Variants in HCLS1 observed in about 807,000 individuals in gnomAD.
HCLS1 encodes hematopoietic lineage cell-specific protein.
In HCLS1, 44 loss-of-function variants were observed where a neutral mutation model predicts 68.6. That is an observed-to-expected ratio of 0.64 (90% CI 0.50 to 0.82). The LOEUF is 0.82. Among genes scored for constraint, HCLS1 ranks in the 40% least tolerant of loss-of-function variants. HCLS1 has a pLI of 0.00. For missense variants in HCLS1, 602 were observed against 612.1 expected (o/e 0.98, Z 0.17); for synonymous variants, 217 against 225.8 (o/e 0.96, Z 0.35).
intron 5 of HCLS1, chr3:121,644,415 C>T (rs553096996): frequency 8.5e-5 from 27 of 318,534 alleles, no homozygotes; most frequent in South Asian, 7.3e-4. Context: ...TGATTATCTG[C>T]TGCTATGGCA....
chr3:121,636,319 C>G, intron 8 of HCLS1, 115 bp downstream of exon 8: 1 of 836,582 alleles, frequency 1.2e-6, no homozygotes, highest in Non-Finnish European at 2.0e-6. Flanking sequence ...AGGACAGGCT[C>G]TGTGTGCCCA....
chr3:121,635,707 G>A (rs767951175), intron 9 of HCLS1, 28 bp downstream of exon 9: 1 of 1,554,378 alleles, frequency 6.4e-7, no homozygotes, highest in Non-Finnish European at 8.9e-7. Context: ...GAAGTGAGGT[G>A]CATGGAGAGT....
intron 5 of HCLS1, 185 bp downstream of exon 5, chr3:121,644,633 A>T: frequency 1.4e-6 from 1 of 697,240 alleles, no homozygotes; most frequent in Non-Finnish European, 2.6e-6. Flanking sequence ...TCAGCTCAGC[A>T]TGTGGCTTCC....
At chr3:121,654,915 G>T (rs1937827426) in intron 3 of HCLS1, among the ~76,000 whole-genome samples, 1 of 152,282 alleles carries the variant, frequency 6.6e-6, no homozygotes, top group Non-Finnish European at 1.5e-5. Context: ...CCAAATAGTG[G>T]AGACTTACTA....
chr3:121,633,250 C>A, intron 10 of HCLS1, 79 bp from the exon 11 acceptor site: 1 of 920,576 alleles, frequency 1.1e-6, no homozygotes, highest in South Asian at 1.6e-5. Flanking sequence ...GACTCTCGCT[C>A]TGTAGCCCAG....
chr3:121,634,086 A>C lies in HCLS1; in HGVS notation c.903+121T>G, dbSNP rs186412205. Reference sequence around the variant, plus strand: ...ACTGAAGTCTTCTAAAGACAGAGACAACAGACCTTGCCTAACCCAGGGGAG... The same window carrying C: ...ACTGAAGTCTTCTAAAGACAGAGACCACAGACCTTGCCTAACCCAGGGGAG... On this transcript the variant is annotated intron_variant, in intron 10 of 13. Coordinates refer to ENST00000314583, the MANE Select transcript of HCLS1 (RefSeq NM_005335.6). 9.3e-4 allele frequency: 1,407 copies of C among 1,515,928 alleles called. 17 individuals are homozygous for C. In the African/African-American group the frequency reaches 0.018, roughly 20 times the overall value. 93.9% of individuals were successfully genotyped at this position (1,515,928 alleles called of 1,614,324 possible).
chr3:121,632,162 C>T lies in HCLS1; in HGVS notation c.1263G>A (p.Gly421=), dbSNP rs1347220023. The change falls in exon 13 of 14, where the codon GGG becomes GGA. Residue 421 remains glycine, a synonymous_variant. Transcript: ENST00000314583. ...CCAGAGCCACAGCCCCAGCCCCAGC[C>T]CCAGCCGGGCAGCCTGATGATCCTG... ...ALAGSSGCPA[G]AGAGAVALGI... The T allele has an allele frequency of 6.2e-7, 1 of 1,614,102 alleles. No individual in the cohort carries two copies.
intron 1 of HCLS1, 51 bp from the exon 2 acceptor site, chr3:121,658,398 G>A: frequency 1.4e-6 from 2 of 1,395,696 alleles, no homozygotes; most frequent in Non-Finnish European, 2.0e-6. Context: ...GGATCAAGAG[G>A]AGGGAAAATA....
At chr3:121,656,512 C>T (rs1937874136) in intron 3 of HCLS1, among the ~76,000 whole-genome samples, 1 of 152,176 alleles carries the variant, frequency 6.6e-6, no homozygotes, top group East Asian at 1.9e-4. Context: ...TATGACATAT[C>T]CCACAGAAAC....
At chr3:121,658,840 CT>C (rs376657206) in intron 1 of HCLS1, among the ~76,000 whole-genome samples, 222 of 152,312 alleles carry the variant, frequency 1.5e-3, no homozygotes, top group African/African-American at 4.8e-3. Flanking sequence ...TTACAACCTG[CT>C]GAACTACACT....
intron 3 of HCLS1, chr3:121,655,931 C>A (rs1937856976): frequency 6.6e-6 from 1 of 151,848 alleles, no homozygotes; most frequent in Admixed American, 6.6e-5. Context: ...TCACTGCAAC[C>A]TGTGCCTCCT....
chr3:121,632,240 A>G, intron 12 of HCLS1, 56 bp from the exon 13 acceptor site: 1 of 1,606,360 alleles, frequency 6.2e-7, no homozygotes, highest in Non-Finnish European at 8.5e-7. Context: ...GCAAACAGAG[A>G]AAGATCCTAC....
At chr3:121,657,483 T>A in intron 2 of HCLS1, 131 bp from the exon 3 acceptor site, 1 of 754,740 alleles carries the variant, frequency 1.3e-6, no homozygotes, top group Non-Finnish European at 2.3e-6. Context: ...TTTATTCACA[T>A]CCCCTCTATA....
intron 3 of HCLS1, among the ~76,000 whole-genome samples, chr3:121,652,232 C>T (rs1437301537): frequency 6.6e-6 from 1 of 152,094 alleles, no homozygotes; most frequent in Non-Finnish European, 1.5e-5. Context: ...GTATTGACTG[C>T]AAAGAGGTGC....
chr3:121,637,196 G>A lies in HCLS1; in HGVS notation c.515C>T (p.Ala172Val), dbSNP rs1390152105. The A allele has an allele frequency of 6.2e-7, 1 of 1,613,702 alleles. No homozygotes were observed. The highest frequency in any genetic ancestry group is 8.5e-7 in the Non-Finnish European group (1 of 1,179,878). The change falls in exon 7 of 14, where the codon GCT (alanine) becomes GTT (valine). Residue 172 changes from alanine (A) to valine (V), a missense_variant. Coordinates refer to ENST00000314583, the MANE Select transcript of HCLS1 (RefSeq NM_005335.6). The part of the protein sequence containing the change: ...GVEKDKWDKA[A>V]LGYDYKGETE... ...CTCTCCCTTGTAGTCATATCCCAGA[G>A]CTGCTTTGTCCCATTTATCCTTCTC... is the stretch of plus-strand genomic sequence containing the variant.
intron 3 of HCLS1, among the ~76,000 whole-genome samples, chr3:121,652,659 C>G (rs1462784293): frequency 3.3e-5 from 5 of 151,032 alleles, no homozygotes; most frequent in Admixed American, 3.3e-4. Context: ...AACTCCGTCT[C>G]AAAAAAAACA....
At chr3:121,639,971 G>A (rs538803456) in intron 6 of HCLS1, among the ~76,000 whole-genome samples, 66 of 152,166 alleles carry the variant, frequency 4.3e-4, no homozygotes, top group African/African-American at 1.5e-3. Flanking sequence ...AATTAGCAAA[G>A]CCAAAAGCTT....
intron 3 of HCLS1, 105 bp downstream of exon 3, chr3:121,657,174 G>A (rs1937890181): frequency 2.3e-6 from 2 of 873,638 alleles, no homozygotes; most frequent in Admixed American, 4.3e-5. Flanking sequence ...ACATAGACAT[G>A]AACTACCCTA....
At chr3:121,651,415 G>A (rs1029088273) in intron 3 of HCLS1, among the ~76,000 whole-genome samples, 1 of 152,052 alleles carries the variant, frequency 6.6e-6, no homozygotes, top group South Asian at 2.1e-4. Flanking sequence ...GGTTAAGTTG[G>A]TTTTGTTGTT....
Sources: allele counts gnomAD v4.1 joint callset (sites outside exome capture counted in the v4.1 genomes callset), GRCh38; gene constraint gnomAD v4.1.1; transcripts MANE v1.5; gene names NCBI Gene and HGNC (gene_info 2026-07-23, HGNC 2026-07-21).